AGPS: variants seen among roughly 807,000 people sequenced by gnomAD.
AGPS encodes the protein alkyldihydroxyacetonephosphate synthase, peroxisomal.
Under a neutral mutation model 90.7 loss-of-function variants are expected in AGPS, and 26 were observed. That is an observed-to-expected ratio of 0.29 (90% confidence interval 0.21 to 0.40). The LOEUF (loss-of-function observed/expected upper bound fraction) is 0.40, where lower values mean the gene tolerates loss of function less well. AGPS is among the 10% of genes least tolerant of loss of function. The pLI, the probability that AGPS is intolerant of heterozygous loss-of-function variation, is 1.00. For missense variants in AGPS, 540 were observed against 816.1 expected, an observed-to-expected ratio of 0.66 and a Z score of 4.12; for synonymous variants, 294 against 285.3, an observed-to-expected ratio of 1.03 and a Z score of -0.31.
chr2:177,523,691 T>G (rs1689264741), intron 18 of AGPS, 57 bp from the exon 19 acceptor site: 5 of 1,503,648 alleles, frequency 3.3e-6, no homozygotes, highest in Non-Finnish European at 4.6e-6. Flanking sequence ...GTCTTTTTCT[T>G]TCACTGCAAA....
intron 8 of AGPS, among the ~76,000 whole-genome samples, chr2:177,446,733 A>C (rs1686787610): frequency 6.6e-6 from 1 of 152,200 alleles, no homozygotes; most frequent in African/African-American, 2.4e-5. Context: ...GCAAGAGCTG[A>C]GAGTGACATG....
At chr2:177,468,658 TTTTAAGACTATAAAG>T in intron 10 of AGPS, 134 bp downstream of exon 10, 1 of 655,986 alleles carries the variant, frequency 1.5e-6, no homozygotes. Flanking sequence ...ATTTTTATCA[TTTTAAGACTATAAAG>T]TTTTATTATG....
Position 177,527,030 on chromosome 2 carries a change from ATCCTTG to A in AGPS, c.1855+3230_1855+3235del, listed in dbSNP as rs2079094145. Among the ~76,000 whole-genome samples the A allele has an allele frequency of 2.0e-5, 3 of 152,324 alleles. No individual in the cohort carries two copies. In the South Asian group the frequency reaches 6.2e-4, roughly 32 times the overall value. ...TGAACTCAGGTCTTCCTGCCTCAGTATCCTTGTCCTCTTAATTAAAAGCCTAAAATG... is the reference window on the plus strand; with the variant it reads ...TGAACTCAGGTCTTCCTGCCTCAGTATCCTCTTAATTAAAAGCCTAAAATG... On this transcript the variant is annotated intron_variant, in intron 19 of 19. Coordinates refer to ENST00000264167, the MANE Select transcript of AGPS (RefSeq NM_003659.4).
intron 8 of AGPS, among the ~76,000 whole-genome samples, chr2:177,449,840 C>A (rs989511605): frequency 4.0e-5 from 6 of 151,738 alleles, no homozygotes; most frequent in African/African-American, 1.2e-4. Flanking sequence ...AATTATTTGC[C>A]CAATTTTTTT....
chr2:177,459,480 AAAC>A (rs1687221983), intron 8 of AGPS, among the ~76,000 whole-genome samples: 1 of 152,212 alleles, frequency 6.6e-6, no homozygotes, highest in Admixed American at 6.5e-5. Context: ...TACAAGAAAA[AAAC>A]AACCCCATCA....
chr2:177,525,499 A>G (rs1248619480), intron 19 of AGPS, among the ~76,000 whole-genome samples: 1 of 152,182 alleles, frequency 6.6e-6, no homozygotes, highest in Admixed American at 6.5e-5. Flanking sequence ...TCAGCAGCCA[A>G]TAGTTTACTT....
At chr2:177,538,044 A>G (rs779495790) in intron 19 of AGPS, 30 bp from the exon 20 acceptor site, 7 of 1,612,170 alleles carry the variant, frequency 4.3e-6, no homozygotes, top group Non-Finnish European at 5.9e-6. Flanking sequence ...CATAGCATAT[A>G]TTGAAGCATT....
At chr2:177,493,304 C>A (rs1185727599) in intron 12 of AGPS, 105 bp downstream of exon 12, 25 of 1,001,818 alleles carry the variant, frequency 2.5e-5, no homozygotes, top group East Asian at 7.3e-5. Context: ...GTCAGTCTTG[C>A]CTTTCAGGAA....
At chr2:177,462,831 G>A (rs28623595) in intron 9 of AGPS, among the ~76,000 whole-genome samples, 10,133 of 152,140 alleles carry the variant, frequency 0.067, 475 homozygotes, top group Non-Finnish European at 0.096. Flanking sequence ...TTTATGTAAG[G>A]GACTTGAGTA....
chr2:177,398,806 T>G (rs757148451), intron 1 of AGPS, among the ~76,000 whole-genome samples: 1 of 152,214 alleles, frequency 6.6e-6, no homozygotes, highest in Non-Finnish European at 1.5e-5. Flanking sequence ...CTTTTGTGAG[T>G]GCATTTTGCC....
chr2:177,393,155 A>G (rs1254672282), intron 1 of AGPS, 106 bp downstream of exon 1: 2 of 1,548,316 alleles, frequency 1.3e-6, no homozygotes, highest in African/African-American at 2.7e-5. Context: ...GGTGGGCGGA[A>G]GGCATCCCGG....
At chr2:177,472,177 C>G (rs1687644530) in intron 10 of AGPS, among the ~76,000 whole-genome samples, 2 of 150,436 alleles carry the variant, frequency 1.3e-5, no homozygotes, top group Admixed American at 1.3e-4. Context: ...GTATGTTTGA[C>G]TTTCTTTGCT....
chr2:177,445,633 TA>T lies in AGPS; in HGVS notation c.870+8del. On this transcript the variant is annotated splice_region_variant and intron_variant, in intron 8 of 19. Coordinates refer to ENST00000264167, the MANE Select transcript of AGPS (RefSeq NM_003659.4). ...ACAAGAGTTGGAAAGACAGGTATGT[TA>T]TTTATTTTTCTTATTTTTTTAAATT... 1 of 1,563,246 alleles carries T rather than the reference TA, an allele frequency of 6.4e-7. No homozygotes were observed. The highest frequency in any genetic ancestry group is 8.7e-7 in the Non-Finnish European group (1 of 1,154,146).
intron 12 of AGPS, 66 bp from the exon 13 acceptor site, chr2:177,497,623 A>G: frequency 1.2e-6 from 1 of 823,026 alleles, no homozygotes; most frequent in Non-Finnish European, 1.9e-6. Context: ...TCTAAGTTGG[A>G]GTAGCTTCTT....
chr2:177,417,187 T>G (rs1417498733), intron 1 of AGPS, among the ~76,000 whole-genome samples: 3 of 152,228 alleles, frequency 2.0e-5, no homozygotes, highest in African/African-American at 7.2e-5. Flanking sequence ...GTTCCAACAT[T>G]GGAAACTTTT....
intron 11 of AGPS, among the ~76,000 whole-genome samples, chr2:177,492,081 C>T (rs1688280308): frequency 6.6e-6 from 1 of 152,162 alleles, no homozygotes; most frequent in Non-Finnish European, 1.5e-5. Flanking sequence ...CCACTGCACC[C>T]ATCCCCTCCC....
At chr2:177,507,575 C>A (rs1688750513) in intron 15 of AGPS, among the ~76,000 whole-genome samples, 1 of 152,170 alleles carries the variant, frequency 6.6e-6, no homozygotes, top group Admixed American at 6.5e-5. Context: ...CTTGATCTTC[C>A]TACTCCTTTG....
chr2:177,420,152 A>G (rs1685903767), intron 1 of AGPS, 117 bp from the exon 2 acceptor site: 3 of 689,348 alleles, frequency 4.4e-6, no homozygotes. Context: ...TTAACCTTAT[A>G]CAATATTTGT....
At chr2:177,400,740 C>T (rs1293405927) in intron 1 of AGPS, among the ~76,000 whole-genome samples, 1 of 152,188 alleles carries the variant, frequency 6.6e-6, no homozygotes, top group Non-Finnish European at 1.5e-5. Context: ...TCTCCAAATT[C>T]TATTTATAGT....
Sources: gnomAD v4.1 joint callset for allele counts (sites outside exome capture counted in the v4.1 genomes callset) on GRCh38, gnomAD v4.1.1 for gene constraint, MANE v1.5 for transcripts, NCBI Gene and HGNC (gene_info 2026-07-23, HGNC 2026-07-21) for gene names.